Variants in HS6ST3 observed in about 807,000 individuals in gnomAD.
The protein encoded by HS6ST3 is heparan-sulfate 6-O-sulfotransferase 3.
A neutral mutation model predicts 36.7 loss-of-function variants in HS6ST3; 12 were observed. The ratio of observed to expected loss-of-function variants is 0.33; its 90% CI spans 0.21 to 0.53. The LOEUF is 0.53. Ranked by LOEUF, HS6ST3 falls within the 20% of genes least tolerant of loss-of-function variation. The pLI is 0.95. For missense variants in HS6ST3, 584 were observed against 640.9 expected (o/e 0.91, Z 0.96); for synonymous variants, 240 against 257.5 (o/e 0.93, Z 0.65).
At chr13:96,818,316 A>G (rs965775786) in intron 1 of HS6ST3, among the ~76,000 whole-genome samples, 2 of 152,234 alleles carry the variant, frequency 1.3e-5, no homozygotes, top group African/African-American at 4.8e-5. Flanking sequence ...TTGAATGTCC[A>G]TGTGCTAAGC....
intron 1 of HS6ST3, among the ~76,000 whole-genome samples, chr13:96,121,899 C>A (rs2053927242): frequency 6.6e-6 from 1 of 151,994 alleles, no homozygotes; most frequent in Non-Finnish European, 1.5e-5. Flanking sequence ...CATATACTGG[C>A]ATTAACATGA....
rs2055905535 is a variant in HS6ST3, at chr13:96,484,660, T to C, written c.708-347830T>C. The stretch of plus-strand genomic sequence containing the variant: ...TAATGTCCTCCAGATTCATTTATGG[T>C]GTGGCCGTTGGCAGGATTTCCTTTT... On this transcript the variant is annotated intron_variant, in intron 1 of 1. Coordinates refer to ENST00000376705, the MANE Select transcript of HS6ST3 (RefSeq NM_153456.4). 2.0e-5 allele frequency among the ~76,000 whole-genome samples: 3 copies of C among 152,332 alleles called. No homozygotes were observed. In the South Asian group the frequency reaches 6.2e-4, roughly 32 times the overall value.
intron 1 of HS6ST3, among the ~76,000 whole-genome samples, chr13:96,682,551 G>A (rs1381219567): frequency 1.3e-5 from 2 of 152,128 alleles, no homozygotes; most frequent in African/African-American, 2.4e-5. Context: ...TGAGTCTTAG[G>A]AAACTGAACA....
At chr13:96,613,575 A>G (rs2056463446) in intron 1 of HS6ST3, among the ~76,000 whole-genome samples, 1 of 152,214 alleles carries the variant, frequency 6.6e-6, no homozygotes, top group Admixed American at 6.5e-5. Context: ...TTCCCATGAT[A>G]TAGAAATATA....
At chr13:96,205,347 C>T (rs576165149) in intron 1 of HS6ST3, among the ~76,000 whole-genome samples, 5 of 152,140 alleles carry the variant, frequency 3.3e-5, no homozygotes, top group African/African-American at 1.2e-4. Flanking sequence ...AGCCTACCAA[C>T]CAAAAAAAGC....
chr13:96,523,467 T>G (rs1001138662), intron 1 of HS6ST3, among the ~76,000 whole-genome samples: 11 of 152,200 alleles, frequency 7.2e-5, no homozygotes, highest in African/African-American at 2.7e-4. Flanking sequence ...GTTTTCTAAC[T>G]TGGTTCCCAT....
At chr13:96,132,212 G>A (rs1226399143) in intron 1 of HS6ST3, among the ~76,000 whole-genome samples, 1 of 151,486 alleles carries the variant, frequency 6.6e-6, no homozygotes, top group African/African-American at 2.4e-5. Flanking sequence ...TGATAGACAT[G>A]TGGGTTAATT....
chr13:96,743,036 A>T (rs1168717951), intron 1 of HS6ST3, among the ~76,000 whole-genome samples: 1 of 152,102 alleles, frequency 6.6e-6, no homozygotes, highest in East Asian at 1.9e-4. Flanking sequence ...CTCCTAGGAT[A>T]AAAGAAAAAC....
intron 1 of HS6ST3, among the ~76,000 whole-genome samples, chr13:96,454,361 A>G (rs1342433118): frequency 6.6e-6 from 1 of 152,160 alleles, no homozygotes; most frequent in African/African-American, 2.4e-5. Context: ...AATAGCAATC[A>G]TTGATTTTGG....
At chr13:96,767,695 A>T (rs901714399) in intron 1 of HS6ST3, among the ~76,000 whole-genome samples, 1 of 152,220 alleles carries the variant, frequency 6.6e-6, no homozygotes, top group Non-Finnish European at 1.5e-5. Context: ...AGCTGATGCC[A>T]TGTGGAAGGG....
intron 1 of HS6ST3, among the ~76,000 whole-genome samples, chr13:96,316,222 A>G (rs1394002716): frequency 2.6e-5 from 4 of 152,036 alleles, no homozygotes; most frequent in African/African-American, 7.2e-5. Flanking sequence ...GTATACACAT[A>G]CACATATGTG....
chr13:96,497,185 G>A (rs547699674), intron 1 of HS6ST3, among the ~76,000 whole-genome samples: 9 of 152,098 alleles, frequency 5.9e-5, no homozygotes, highest in African/African-American at 9.7e-5. Flanking sequence ...GGAAAAGGGA[G>A]CCAGTGGTAG....
intron 1 of HS6ST3, among the ~76,000 whole-genome samples, chr13:96,364,385 G>A (rs2055253375): frequency 1.3e-5 from 2 of 152,132 alleles, no homozygotes; most frequent in South Asian, 4.1e-4. Context: ...AGAAAGTATG[G>A]CATAGCATAT....
rs1312076537 is a variant in HS6ST3 at position 96,254,492 on chromosome 13, T to C, written c.707+162923T>C. Among the ~76,000 whole-genome samples the C allele has an allele frequency of 1.2e-3, 29 of 24,694 alleles. 1 individual carries two copies. The highest frequency in any genetic ancestry group is 4.2e-3 in the African/African-American group (27 of 6,470). 16.2% of individuals were successfully genotyped at this position (24,694 alleles called of 152,430 possible). A position where few individuals can be genotyped will look rare whatever the true frequency, so the allele number is the denominator to read the frequency against. On this transcript the variant is annotated intron_variant, in intron 1 of 1. Coordinates refer to ENST00000376705, the MANE Select transcript of HS6ST3 (RefSeq NM_153456.4). ...ATATATATATATATATATATATATA[T>C]ATATATACACATACATACACACACA...
intron 1 of HS6ST3, among the ~76,000 whole-genome samples, chr13:96,777,179 A>G (rs1877408761): frequency 6.6e-6 from 1 of 152,192 alleles, no homozygotes; most frequent in Admixed American, 6.5e-5. Flanking sequence ...CTAGGTACTG[A>G]TGGAACGTAT....
At chr13:96,575,351 C>T (rs111901230) in intron 1 of HS6ST3, among the ~76,000 whole-genome samples, 1,648 of 152,312 alleles carry the variant, frequency 0.011, 29 homozygotes, top group African/African-American at 0.032. Flanking sequence ...TGCTCACCTA[C>T]TGGTAGCAGT....
chr13:96,320,400 GTT>G (rs1273399844), intron 1 of HS6ST3, among the ~76,000 whole-genome samples: 2 of 152,114 alleles, frequency 1.3e-5, no homozygotes, highest in Non-Finnish European at 2.9e-5. Context: ...CTATCCCAGA[GTT>G]TTCATTGAGA....
intron 1 of HS6ST3, among the ~76,000 whole-genome samples, chr13:96,337,636 G>A (rs1469278473): frequency 6.6e-6 from 1 of 152,024 alleles, no homozygotes; most frequent in Non-Finnish European, 1.5e-5. Context: ...TCTACATCAG[G>A]GAAGGTATTT....
At chr13:96,597,375 C>T (rs2056405578) in intron 1 of HS6ST3, among the ~76,000 whole-genome samples, 1 of 150,994 alleles carries the variant, frequency 6.6e-6, no homozygotes, top group South Asian at 2.1e-4. Flanking sequence ...GTCATTCTGG[C>T]TGGGTGAGGT....
Sources: allele counts gnomAD v4.1 joint callset (sites outside exome capture counted in the v4.1 genomes callset), GRCh38; gene constraint gnomAD v4.1.1; transcripts MANE v1.5; gene names NCBI Gene and HGNC (gene_info 2026-07-23, HGNC 2026-07-21).